The following IFT80 variants were observed in gnomAD, a reference collection of about 807,000 sequenced individuals.
The protein encoded by IFT80 is intraflagellar transport protein 80 homolog.
IFT80 carries 79 observed loss-of-function variants against 107.9 expected under a neutral mutation model. The observed-to-expected ratio is 0.73, with a 90% CI of 0.61 to 0.88. The LOEUF (loss-of-function observed/expected upper bound fraction) is 0.88, where lower values mean the gene tolerates loss of function less well. Among genes scored for constraint, IFT80 ranks in the 40% least tolerant of loss-of-function variants. IFT80 has a pLI of 0.00. For missense variants in IFT80, 797 were observed against 914.2 expected, an observed-to-expected ratio of 0.87 and a Z score of 1.65; for synonymous variants, 299 against 300.9, an observed-to-expected ratio of 0.99 and a Z score of 0.07.
chr3:160,298,298 A>G (rs969786138), intron 12 of IFT80, among the ~76,000 whole-genome samples: 1 of 152,164 alleles, frequency 6.6e-6, no homozygotes, highest in Non-Finnish European at 1.5e-5. Flanking sequence ...ACCTCTATTT[A>G]GCCATCAATA....
At chr3:160,375,743 A>G in intron 5 of IFT80, 69 bp downstream of exon 5, 1 of 1,050,930 alleles carries the variant, frequency 9.5e-7, no homozygotes, top group Non-Finnish European at 1.5e-6. Flanking sequence ...ATTGTTTCTA[A>G]AGGAAAACTT....
intron 8 of IFT80, among the ~76,000 whole-genome samples, chr3:160,349,702 C>T (rs1289680473): frequency 1.3e-5 from 2 of 152,006 alleles, no homozygotes; most frequent in African/African-American, 4.8e-5. Context: ...TTTCCAGATT[C>T]AAGAAAACAT....
intron 5 of IFT80, among the ~76,000 whole-genome samples, chr3:160,370,422 A>G (rs985637598): frequency 1.3e-5 from 2 of 152,000 alleles, no homozygotes; most frequent in Admixed American, 1.3e-4. Flanking sequence ...TTCAAACACG[A>G]AGAATGATTT....
intron 2 of IFT80, chr3:160,383,792 ATAT>A: frequency 1.0e-6 from 1 of 985,412 alleles, no homozygotes; most frequent in Non-Finnish European, 1.2e-6. Flanking sequence ...GTTTGAGAAA[ATAT>A]TATTAATTGC....
intron 6 of IFT80, among the ~76,000 whole-genome samples, chr3:160,365,398 C>G (rs1451552175): frequency 6.6e-6 from 1 of 152,104 alleles, no homozygotes; most frequent in Non-Finnish European, 1.5e-5. Flanking sequence ...TACATCTACT[C>G]AACTGTGAAA....
intron 5 of IFT80, among the ~76,000 whole-genome samples, chr3:160,373,142 A>C (rs1309716620): frequency 6.6e-6 from 1 of 152,092 alleles, no homozygotes; most frequent in Non-Finnish European, 1.5e-5. Context: ...TCCTGAGCTC[A>C]AGTGATCCAC....
At chr3:160,264,781 C>T (rs1036669578) in intron 19 of IFT80, among the ~76,000 whole-genome samples, 1 of 152,012 alleles carries the variant, frequency 6.6e-6, no homozygotes, top group Non-Finnish European at 1.5e-5. Flanking sequence ...TGTTATTGCC[C>T]TCCAATGGCT....
At chr3:160,291,464 C>T (rs1576760794) in intron 12 of IFT80, among the ~76,000 whole-genome samples, 2 of 152,206 alleles carry the variant, frequency 1.3e-5, no homozygotes, top group South Asian at 4.1e-4. Context: ...ACTTGAGTTG[C>T]TGCCAGATTC....
intron 12 of IFT80, among the ~76,000 whole-genome samples, chr3:160,300,005 C>T (rs576533333): frequency 3.1e-4 from 47 of 152,230 alleles, no homozygotes; most frequent in Non-Finnish European, 5.4e-4. Context: ...CTCCCACTCT[C>T]TACCTAGCTC....
At position 160,257,936 on chromosome 3, in the gene IFT80, C is replaced by A. The variant is rs1712488378; in HGVS notation, c.*589G>T. On this transcript the variant is annotated 3_prime_UTR_variant, in exon 20 of 20. Transcript: ENST00000326448. Reference sequence around the variant, plus strand: ...AGGTAGTATTTATCAGAATTTCATTCCTTTTTAAAGCTAAATAATATTCCA... The same window carrying A: ...AGGTAGTATTTATCAGAATTTCATTACTTTTTAAAGCTAAATAATATTCCA... 6.5e-6 allele frequency: 1 copy of A among 153,476 alleles called. No homozygotes were observed. Among genetic ancestry groups the A allele is most frequent in the African/African-American group, 2.4e-5 (1 of 41,442 alleles). 9.5% of individuals were successfully genotyped at this position (153,476 alleles called of 1,614,324 possible).
intron 12 of IFT80, among the ~76,000 whole-genome samples, chr3:160,291,805 T>G (rs1427916701): frequency 6.6e-6 from 1 of 152,194 alleles, no homozygotes. Flanking sequence ...GTATGTCGTA[T>G]CAATGCCTAT....
Position 160,277,287 on chromosome 3 carries a change from T to A in IFT80, c.2099+19A>T, listed in dbSNP as rs539564457. 1.9e-6 allele frequency: 3 copies of A among 1,604,828 alleles called. No individual in the cohort carries two copies. In the South Asian group the frequency reaches 3.3e-5, roughly 18 times the overall value. ...AAGGTCAAACAGATTTTGGAACTGA[T>A]GGAAAGCATTCTTATTACCTTTCCC... On this transcript the variant is annotated intron_variant, in intron 18 of 19. Transcript: ENST00000326448.
intron 9 of IFT80, among the ~76,000 whole-genome samples, chr3:160,317,740 T>G (rs558133113): frequency 6.6e-6 from 1 of 152,108 alleles, no homozygotes; most frequent in South Asian, 2.1e-4. Context: ...GGAGATACAA[T>G]CAGCCCAGTC....
chr3:160,381,631 G>T lies in IFT80; in HGVS notation c.131C>A (p.Thr44Asn), dbSNP rs1712527833. 1 of 1,612,700 alleles carries T rather than the reference G, an allele frequency of 6.2e-7. No individual in the cohort carries two copies. Among genetic ancestry groups the T allele is most frequent in the Non-Finnish European group, 8.5e-7 (1 of 1,179,826 alleles). Residue 44 changes from threonine to asparagine, a missense_variant, in exon 3 of 20, where the codon ACC becomes AAC. Thr to Asn is a moderately conservative substitution (Grantham distance 65, BLOSUM62 0). Transcript: ENST00000326448. ...DHQIVKWNLL[T>N]SETTQIVKLP... ...CTTTACTATTTGAGTTGTTTCACTG[G>T]TTAACAAGTTCCACTTCACTATCTG...
At chr3:160,281,392 T>C in intron 14 of IFT80, among the ~76,000 whole-genome samples, 1 of 152,106 alleles carries the variant, frequency 6.6e-6, no homozygotes. Context: ...CCCCATAGAA[T>C]TGGGGTCTTG....
intron 5 of IFT80, among the ~76,000 whole-genome samples, chr3:160,369,837 T>C (rs1722112895): frequency 6.6e-6 from 1 of 152,072 alleles, no homozygotes; most frequent in Admixed American, 6.6e-5. Flanking sequence ...TTACTTTTTA[T>C]ATTGGAAATT....
rs768673036 is a variant in IFT80 at position 160,258,484 on chromosome 3, G to C, written c.*41C>G. 3.1e-6 allele frequency: 5 copies of C among 1,612,190 alleles called. No homozygotes were observed. The Admixed American group carries it at 6.7e-5, about 22-fold the overall frequency. On this transcript the variant is annotated 3_prime_UTR_variant, in exon 20 of 20. Coordinates refer to ENST00000326448, the MANE Select transcript of IFT80 (RefSeq NM_020800.3). ...ATGCTTACCCTTGGTTAATCAGAACGTGTTTCAAAAGATAAAATTTCTTAA... is the reference window on the plus strand; with the variant it reads ...ATGCTTACCCTTGGTTAATCAGAACCTGTTTCAAAAGATAAAATTTCTTAA...
chr3:160,370,366 A>G (rs555554339), intron 5 of IFT80, among the ~76,000 whole-genome samples: 1 of 149,158 alleles, frequency 6.7e-6, no homozygotes, highest in East Asian at 1.9e-4. Flanking sequence ...TCATAGTAGT[A>G]GCCATTTGAT....
At chr3:160,360,741 T>C (rs1272774330) in intron 6 of IFT80, among the ~76,000 whole-genome samples, 1 of 152,158 alleles carries the variant, frequency 6.6e-6, no homozygotes, top group Non-Finnish European at 1.5e-5. Context: ...ACCCTGAATT[T>C]CATATCTGAC....
Sources: allele counts gnomAD v4.1 joint callset (sites outside exome capture counted in the v4.1 genomes callset), GRCh38; gene constraint gnomAD v4.1.1; transcripts MANE v1.5; gene names NCBI Gene and HGNC (gene_info 2026-07-23, HGNC 2026-07-21).